ABCA12: variants seen among roughly 807,000 people sequenced by gnomAD.
ABCA12 encodes the protein glucosylceramide transporter ABCA12.
ABCA12 carries 156 observed loss-of-function variants against 293.5 expected under a neutral mutation model. The ratio of observed to expected loss-of-function variants is 0.53; its 90% confidence interval spans 0.47 to 0.61. The LOEUF is 0.61. Ranked by LOEUF, ABCA12 falls within the 20% of genes least tolerant of loss-of-function variation. The probability of loss-of-function intolerance (pLI) is 0.00; values close to 1 mark genes in which losing one functional copy is unlikely to be tolerated. For missense variants in ABCA12, 2,797 were observed against 3,090.2 expected, an observed-to-expected ratio of 0.91 and a Z score of 2.25; for synonymous variants, 1,063 against 1,108.0, an observed-to-expected ratio of 0.96 and a Z score of 0.81.
intron 34 of ABCA12, 139 bp downstream of exon 34, chr2:214,975,646 C>G: frequency 8.4e-7 from 1 of 1,195,188 alleles, no homozygotes; most frequent in Non-Finnish European, 1.2e-6. Context: ...ATCAATCAAA[C>G]TGTTCATTCC....
chr2:215,052,352 A>C (rs1299524253), intron 5 of ABCA12, 135 bp downstream of exon 5: 2 of 715,006 alleles, frequency 2.8e-6, no homozygotes, highest in Non-Finnish European at 4.9e-6. Context: ...AGGGTTCCTA[A>C]GAAAAGAAGT....
At chr2:215,061,641 A>G (rs1701530434) in intron 3 of ABCA12, among the ~76,000 whole-genome samples, 1 of 152,100 alleles carries the variant, frequency 6.6e-6, no homozygotes, top group African/African-American at 2.4e-5. Flanking sequence ...TTATTATTGT[A>G]CATAATTTTA....
intron 14 of ABCA12, among the ~76,000 whole-genome samples, chr2:215,016,508 G>C (rs1700504095): frequency 7.0e-6 from 1 of 142,494 alleles, no homozygotes; most frequent in Non-Finnish European, 1.5e-5. Context: ...GTGAGAACCC[G>C]GGAGGCGGAG....
In ABCA12 at chr2:215,045,942, A is replaced by C; in HGVS notation, c.767T>G (p.Val256Gly). The change falls in exon 7 of 53, where the codon GTG becomes GGG. Residue 256 changes from valine to glycine, a missense_variant. By Grantham distance (109) the Val-to-Gly change is moderately radical (BLOSUM62 -3). Transcript: ENST00000272895. The stretch of plus-strand genomic sequence containing the variant: ...CTGCCACACAGCTTTCTGCTCTTGC[A>C]CTTGTGAGAAGAAAGACAGCATTCT... ...IVRMLSFFSQ[V>G]QEQKAVWQLL... 6.2e-7 allele frequency: 1 copy of C among 1,613,742 alleles called. No individual in the cohort carries two copies. The highest frequency in any genetic ancestry group is 2.2e-5 in the East Asian group (1 of 44,854).
chr2:215,084,858 C>G (rs576144315), intron 2 of ABCA12, among the ~76,000 whole-genome samples: 1 of 152,100 alleles, frequency 6.6e-6, no homozygotes, highest in South Asian at 2.1e-4. Flanking sequence ...CTTTTGGAGG[C>G]CGAGTCGGGC....
intron 14 of ABCA12, among the ~76,000 whole-genome samples, chr2:215,016,805 G>C (rs945576536): frequency 6.6e-6 from 1 of 151,966 alleles, no homozygotes; most frequent in African/African-American, 2.4e-5. Context: ...AGATAGTGAG[G>C]TATGATTACG....
chr2:215,123,133 G>A (rs1232149882), intron 1 of ABCA12, among the ~76,000 whole-genome samples: 2 of 152,010 alleles, frequency 1.3e-5, no homozygotes, highest in Non-Finnish European at 2.9e-5. Flanking sequence ...TTATGGCTGT[G>A]TAGTATTCCA....
At chr2:215,094,580 GCCTCTTAGAA>G (rs1260106501) in intron 2 of ABCA12, among the ~76,000 whole-genome samples, 2 of 150,894 alleles carry the variant, frequency 1.3e-5, no homozygotes, top group Non-Finnish European at 3.0e-5. Flanking sequence ...CCACTAGCCT[GCCTCTTAGAA>G]CCTCTCATTT....
At chr2:215,043,071 C>T (rs1701131428) in intron 7 of ABCA12, among the ~76,000 whole-genome samples, 1 of 152,028 alleles carries the variant, frequency 6.6e-6, no homozygotes, top group Admixed American at 6.6e-5. Flanking sequence ...TCCCTGCCAG[C>T]ATCTGTTATT....
chr2:215,076,897 T>C (rs6731654), intron 2 of ABCA12, among the ~76,000 whole-genome samples: 110,271 of 152,052 alleles, frequency 0.73, 40,186 homozygotes, highest in South Asian at 0.79. Context: ...AGTGGGATGC[T>C]ATTTACATAA....
chr2:215,052,184 C>A (rs1701333028), intron 5 of ABCA12, among the ~76,000 whole-genome samples: 1 of 151,994 alleles, frequency 6.6e-6, no homozygotes, highest in Non-Finnish European at 1.5e-5. Context: ...GTCTTTTTTT[C>A]TTTCCTGCTT....
At chr2:215,112,565 C>A (rs1353308736) in intron 1 of ABCA12, among the ~76,000 whole-genome samples, 1 of 147,796 alleles carries the variant, frequency 6.8e-6, no homozygotes, top group East Asian at 2.0e-4. Flanking sequence ...GTGGTGTGAT[C>A]TTGGCTTGCT....
rs2105920344 is a variant in ABCA12 at position 214,945,025 on chromosome 2, C to A, written c.7319G>T (p.Cys2440Phe). Reference protein sequence around the residue: ...KIISEEVQNKCSVILTSHSME... With the variant: ...KIISEEVQNKFSVILTSHSME... ...CCTGTGAGATGTGAGGATGACGGAA[C>A]ATTTGTTCTGTACTTCTTCTGAAAT... is the stretch of plus-strand genomic sequence containing the variant. Residue 2440 changes from cysteine (C) to phenylalanine (F), a missense_variant, in exon 49 of 53, where the codon TGT becomes TTT. Transcript: ENST00000272895. 6.2e-7 allele frequency: 1 copy of A among 1,613,688 alleles called. No individual in the cohort carries two copies. Among genetic ancestry groups the A allele is most frequent in the Middle Eastern group, 1.7e-4 (1 of 6,044 alleles).
At chr2:215,127,326 G>A (rs568843228) in intron 1 of ABCA12, among the ~76,000 whole-genome samples, 3 of 152,294 alleles carry the variant, frequency 2.0e-5, no homozygotes, top group African/African-American at 4.8e-5. Flanking sequence ...CCAAGGTATA[G>A]TCTAATCCTT....
rs17492577 is a variant in ABCA12, at chr2:214,956,856, T to C, written c.6118-78A>G. 0.38 allele frequency: 372,916 copies of C among 973,918 alleles called. 73,393 individuals are homozygous for C. The highest frequency in any genetic ancestry group is 0.47 in the South Asian group (34,222 of 73,484). The allele number at this position is 973,918 out of a possible 1,614,324, so 60.3% of individuals were successfully genotyped here. ...AAAAAAAATCAATAACCCATCTAGTTTAAAACTGCAACAAGTTGACCTAGA... is the reference window on the plus strand; with the variant it reads ...AAAAAAAATCAATAACCCATCTAGTCTAAAACTGCAACAAGTTGACCTAGA... On this transcript the variant is annotated intron_variant, in intron 41 of 52. Coordinates refer to ENST00000272895, the MANE Select transcript of ABCA12 (RefSeq NM_173076.3).
chr2:214,934,687 C>A (rs1416259859), intron 51 of ABCA12, among the ~76,000 whole-genome samples: 1 of 152,156 alleles, frequency 6.6e-6, no homozygotes, highest in East Asian at 1.9e-4. Flanking sequence ...GACAGCTCAT[C>A]CTTTTCCCAA....
chr2:215,050,423 C>T (rs573140439), intron 5 of ABCA12, among the ~76,000 whole-genome samples: 85 of 152,128 alleles, frequency 5.6e-4, no homozygotes, highest in Admixed American at 1.4e-3. Flanking sequence ...AAATCATTTT[C>T]GTAATGGAAT....
chr2:215,035,041 A>G (rs866366212), intron 8 of ABCA12, among the ~76,000 whole-genome samples: 2 of 152,308 alleles, frequency 1.3e-5, no homozygotes, highest in South Asian at 4.1e-4. Flanking sequence ...GTTACGGGGC[A>G]GGTATCTGTA....
At chr2:215,069,520 G>T (rs1701697045) in intron 2 of ABCA12, among the ~76,000 whole-genome samples, 1 of 151,986 alleles carries the variant, frequency 6.6e-6, no homozygotes, top group Non-Finnish European at 1.5e-5. Context: ...TTTGTTCTCG[G>T]TTACACTTGA....
Sources: allele counts gnomAD v4.1 joint callset (sites outside exome capture counted in the v4.1 genomes callset), GRCh38; gene constraint gnomAD v4.1.1; transcripts MANE v1.5; gene names NCBI Gene and HGNC (gene_info 2026-07-23, HGNC 2026-07-21).